The following IGDCC4 variants were observed in gnomAD, a reference collection of about 807,000 sequenced individuals.
IGDCC4 encodes likely ortholog of mouse neighbor of Punc E11.
A neutral mutation model predicts 116.6 loss-of-function variants in IGDCC4; 72 were observed. The ratio of observed to expected loss-of-function variants is 0.62; its 90% CI spans 0.51 to 0.75. The LOEUF (loss-of-function observed/expected upper bound fraction) is 0.75, where lower values mean the gene tolerates loss of function less well. Ranked by LOEUF, IGDCC4 falls within the 30% of genes least tolerant of loss-of-function variation. The pLI is 0.00. For missense variants in IGDCC4, 1,501 were observed against 1,662.4 expected (o/e 0.90, Z 1.69); for synonymous variants, 709 against 719.9 (o/e 0.98, Z 0.24).
At chr15:65,413,666 C>T (rs963866189) in intron 1 of IGDCC4, among the ~76,000 whole-genome samples, 3 of 152,208 alleles carry the variant, frequency 2.0e-5, no homozygotes, top group African/African-American at 7.2e-5. Flanking sequence ...GCCCAAGGTC[C>T]CTTCTTAGGC....
In IGDCC4 at chr15:65,395,269, G is replaced by T; in HGVS notation, c.1412-11C>A. 1.2e-6 allele frequency: 2 copies of T among 1,601,788 alleles called. No homozygotes were observed. The highest frequency in any genetic ancestry group is 1.7e-6 in the Non-Finnish European group (2 of 1,170,730). ...CCACATTGTCCATGCCTGGTGACAC[G>T]GGGGACAAGGGGACTGTCATAGTGC... On this transcript the variant is annotated splice_polypyrimidine_tract_variant and intron_variant, in intron 7 of 19. Coordinates refer to ENST00000352385, the MANE Select transcript of IGDCC4 (RefSeq NM_020962.3).
intron 5 of IGDCC4, 146 bp downstream of exon 5, chr15:65,400,660 C>A: frequency 1.0e-6 from 1 of 982,250 alleles, no homozygotes; most frequent in Non-Finnish European, 1.5e-6. Context: ...TTGACCACCA[C>A]ACCCAGCCCT....
intron 18 of IGDCC4, 69 bp from the exon 19 acceptor site, chr15:65,385,184 G>A (rs2091442710): frequency 6.7e-7 from 1 of 1,482,668 alleles, no homozygotes. Flanking sequence ...AAGCCCGGGG[G>A]AGGGAATTGG....
chr15:65,387,014 AC>A (rs1314522755), intron 16 of IGDCC4, among the ~76,000 whole-genome samples: 1 of 152,092 alleles, frequency 6.6e-6, no homozygotes, highest in Non-Finnish European at 1.5e-5. Flanking sequence ...CTCTGCTGTC[AC>A]CACCTTAAAA....
chr15:65,393,589 C>T lies in IGDCC4; in HGVS notation c.1715-58G>A. 1 of 1,518,514 alleles carries T rather than the reference C, an allele frequency of 6.6e-7. No individual in the cohort carries two copies. Among genetic ancestry groups the T allele is most frequent in the Middle Eastern group, 1.9e-4 (1 of 5,318 alleles). The allele number at this position is 1,518,514 out of a possible 1,614,324, so 94.1% of individuals were successfully genotyped here. On this transcript the variant is annotated intron_variant, in intron 9 of 19. Transcript: ENST00000352385. The surrounding 1 kb of genome is among the most constrained non-coding windows in gnomAD (Gnocchi z 4.6). ...GCCACCTGAGGAACAGGATCCTAAA[C>T]CCCCCTACATGGCTCTTCCGCCTCA... is the stretch of plus-strand genomic sequence containing the variant.
At chr15:65,392,943 A>G (rs559930692) in intron 10 of IGDCC4, among the ~76,000 whole-genome samples, 2 of 152,324 alleles carry the variant, frequency 1.3e-5, no homozygotes, top group South Asian at 4.1e-4. Flanking sequence ...GAGTTAAGTA[A>G]TTTACCTAGT....
Position 65,384,797 on chromosome 15 carries a change from CACCTACTCA to C in IGDCC4, c.3342+148_3342+156del, listed in dbSNP as rs1465609551. ...GGTTCCTGCAAACTGGCCTGCCCTC[CACCTACTCA>C]ACCTTTGGAGGCTCCAGGGGTCTCC... On this transcript the variant is annotated intron_variant, in intron 19 of 19. Coordinates refer to ENST00000352385, the MANE Select transcript of IGDCC4 (RefSeq NM_020962.3). The surrounding 1 kb of genome is among the most constrained non-coding windows in gnomAD (Gnocchi z 4.9). 30 of 974,974 alleles carry C rather than the reference CACCTACTCA, an allele frequency of 3.1e-5. 1 individual carries two copies. The highest frequency in any genetic ancestry group is 4.0e-5 in the Non-Finnish European group (27 of 678,872). 60.4% of individuals were successfully genotyped at this position (974,974 alleles called of 1,614,324 possible). A position where few individuals can be genotyped will look rare whatever the true frequency, so the allele number is the denominator to read the frequency against.
chr15:65,384,185 C>T lies in IGDCC4; in HGVS notation c.3577G>A (p.Gly1193Arg), dbSNP rs751661640. The change falls in exon 20 of 20, where the codon GGG becomes AGG. Residue 1193 changes from glycine (G) to arginine (R), a missense_variant. Gly to Arg is a moderately radical substitution (Grantham distance 125, BLOSUM62 -2). Coordinates refer to ENST00000352385, the MANE Select transcript of IGDCC4 (RefSeq NM_020962.3). This position sits in a 1 kb window ranked among gnomAD's most constrained non-coding sequence, Gnocchi z 4.9. ...ELGGCELAAP[G>R]PDRLTCLPEA... ...GGCAAGCAGGTAAGTCTGTCTGGCC[C>T]GGGGGCTGCCAGCTCACACCCTCCC... 46 of 1,612,432 alleles carry T rather than the reference C, an allele frequency of 2.9e-5. No individual in the cohort carries two copies. Among genetic ancestry groups the T allele is most frequent in the South Asian group, 1.1e-4 (10 of 90,972 alleles).
At position 65,384,342 on chromosome 15, in the gene IGDCC4, A is replaced by C. The variant is rs773907135; in HGVS notation, c.3420T>G (p.Ser1140Arg). 1.9e-6 allele frequency: 3 copies of C among 1,588,318 alleles called. No homozygotes were observed. Among genetic ancestry groups the C allele is most frequent in the African/African-American group, 2.7e-5 (2 of 73,880 alleles). Residue 1140 changes from serine to arginine, a missense_variant, in exon 20 of 20, where the codon AGT becomes AGG. Transcript: ENST00000352385. This position sits in a 1 kb window ranked among gnomAD's most constrained non-coding sequence, Gnocchi z 4.9. ...GGAGGTCAGGGTTCCCGTTAGATGC[A>C]CTAAAGTCAGAGTGGACAATGACTT... The part of the protein sequence containing the change: ...EAEVIVHSDF[S>R]ASNGNPDLHL...
At chr15:65,407,156 A>C (rs1370655509) in intron 3 of IGDCC4, among the ~76,000 whole-genome samples, 2 of 151,864 alleles carry the variant, frequency 1.3e-5, no homozygotes, top group Non-Finnish European at 2.9e-5. Context: ...TCTGCCTCTG[A>C]TCCTCCAATC....
chr15:65,402,608 C>T, intron 3 of IGDCC4, 121 bp from the exon 4 acceptor site: 2 of 1,301,746 alleles, frequency 1.5e-6, no homozygotes, highest in Non-Finnish European at 1.0e-6. Context: ...GTGGCTCACG[C>T]CTATAATCCC....
intron 9 of IGDCC4, 58 bp downstream of exon 9, chr15:65,394,353 A>G: frequency 6.2e-7 from 1 of 1,606,056 alleles, no homozygotes; most frequent in Non-Finnish European, 8.5e-7. Flanking sequence ...AGCAGCCCTG[A>G]CAGCTCTTCA....
intron 3 of IGDCC4, among the ~76,000 whole-genome samples, chr15:65,405,204 A>T (rs1375243336): frequency 6.6e-6 from 1 of 151,638 alleles, no homozygotes; most frequent in Non-Finnish European, 1.5e-5. Flanking sequence ...TTATATTAGG[A>T]TATACATAGA....
chr15:65,405,130 G>C (rs376387195), intron 3 of IGDCC4, among the ~76,000 whole-genome samples: 16 of 70,648 alleles, frequency 2.3e-4, no homozygotes, highest in African/African-American at 1.9e-3. Flanking sequence ...ATTAGTTAGT[G>C]GGGGGGGGGG....
intron 10 of IGDCC4, among the ~76,000 whole-genome samples, chr15:65,392,747 C>G (rs932509583): frequency 6.6e-6 from 1 of 152,020 alleles, no homozygotes; most frequent in Non-Finnish European, 1.5e-5. Context: ...GTGGTGGTTG[C>G]TGAGGCCAGG....
rs2062919621 is a variant in IGDCC4, at chr15:65,395,871, G to T, written c.1290C>A (p.Ser430Arg). ...LAVVVREGLP[S>R]APTRVTATPL... Reference sequence around the variant, plus strand: ...GCGTAGCAGTGACCCGCGTGGGGGCGCTGGGCAGCCCCTCGCGCACCACCA... The same window carrying T: ...GCGTAGCAGTGACCCGCGTGGGGGCTCTGGGCAGCCCCTCGCGCACCACCA... The change falls in exon 7 of 20, where the codon AGC (serine) becomes AGA (arginine). Residue 430 changes from serine to arginine, a missense_variant. This residue lies in a region of IGDCC4 where 898 missense variants were observed against 978.9 expected (regional missense o/e 0.92). Coordinates refer to ENST00000352385, the MANE Select transcript of IGDCC4 (RefSeq NM_020962.3). The T allele has an allele frequency of 3.8e-6, 6 of 1,582,736 alleles. No homozygotes were observed. The highest frequency in any genetic ancestry group is 4.3e-6 in the Non-Finnish European group (5 of 1,171,600).
At chr15:65,395,332 A>G (rs973308486) in intron 7 of IGDCC4, 74 bp from the exon 8 acceptor site, 1 of 1,442,072 alleles carries the variant, frequency 6.9e-7, no homozygotes, top group South Asian at 1.3e-5. Context: ...CTGTATAGGA[A>G]TCCTTCATAT....
chr15:65,395,295 C>T, intron 7 of IGDCC4, 37 bp from the exon 8 acceptor site: 1 of 1,586,532 alleles, frequency 6.3e-7, no homozygotes, highest in East Asian at 2.3e-5. Flanking sequence ...GTCATAGTGC[C>T]ACCCCCCCGT....
chr15:65,421,120 C>A (rs1003955958), intron 1 of IGDCC4, among the ~76,000 whole-genome samples: 1 of 152,252 alleles, frequency 6.6e-6, no homozygotes, highest in African/African-American at 2.4e-5. Context: ...TGTAGCCACT[C>A]ACACTGCAAC....
Sources: allele counts gnomAD v4.1 joint callset (sites outside exome capture counted in the v4.1 genomes callset), GRCh38; gene constraint gnomAD v4.1.1; regional missense constraint gnomAD v4.1.1; non-coding constraint Gnocchi (gnomAD v3.1); transcripts MANE v1.5; gene names NCBI Gene and HGNC (gene_info 2026-07-23, HGNC 2026-07-21).